Variants in NNMT observed in about 807,000 individuals in gnomAD.
NNMT encodes nicotinamide N-methyltransferase.
Under a neutral mutation model 11.7 loss-of-function variants are expected in NNMT, and 10 were observed. The ratio of observed to expected loss-of-function variants is 0.85; its 90% CI spans 0.53 to 1.45. NNMT has a LOEUF of 1.45. Among genes scored for constraint, NNMT ranks in the 40% most tolerant of loss-of-function variants. The pLI is 0.00. For missense variants in NNMT, 381 were observed against 319.4 expected (o/e 1.19, Z -1.47); for synonymous variants, 143 against 133.8 (o/e 1.07, Z -0.48).
chr11:114,272,184 G>A (rs1477961457), intron 2 of NNMT, among the ~76,000 whole-genome samples: 1 of 152,088 alleles, frequency 6.6e-6, no homozygotes, highest in African/African-American at 2.4e-5. Context: ...GACTCTTCAG[G>A]AACCCACAGC....
At chr11:114,288,100 T>C (rs1279414914) in intron 2 of NNMT, among the ~76,000 whole-genome samples, 1 of 152,206 alleles carries the variant, frequency 6.6e-6, no homozygotes, top group Non-Finnish European at 1.5e-5. Context: ...TGCTAAACTG[T>C]TATATTGTAA....
At chr11:114,301,857 A>C (rs1465300357) in intron 2 of NNMT, among the ~76,000 whole-genome samples, 1 of 151,846 alleles carries the variant, frequency 6.6e-6, no homozygotes, top group Non-Finnish European at 1.5e-5. Context: ...ATTTTTAAAA[A>C]ATGACAGCTT....
At chr11:114,304,713 A>G (rs1945472832) in intron 2 of NNMT, among the ~76,000 whole-genome samples, 1 of 152,142 alleles carries the variant, frequency 6.6e-6, no homozygotes, top group Admixed American at 6.5e-5. Context: ...ATAGTGGTGC[A>G]CACCCGTATT....
chr11:114,265,869 T>C (rs1565718202), intron 2 of NNMT, among the ~76,000 whole-genome samples: 1 of 152,182 alleles, frequency 6.6e-6, no homozygotes, highest in African/African-American at 2.4e-5. Context: ...CACCGCCAAG[T>C]CTCCTTGTCA....
chr11:114,313,501 A>T lies in NNMT; in HGVS notation c.*1024A>T, dbSNP rs370828969. Among the ~76,000 whole-genome samples the T allele has an allele frequency of 2.0e-4, 30 of 152,214 alleles. No individual in the cohort carries two copies. In the Middle Eastern group the frequency reaches 0.01, roughly 52 times the overall value. ...AAAAGTAAAATAATAAATAAATAAT[A>T]AATAAAATAAAATAAAGTGAATTGT... On this transcript the variant is annotated 3_prime_UTR_variant, in exon 3 of 3. Coordinates refer to ENST00000299964, the MANE Select transcript of NNMT (RefSeq NM_006169.3).
At chr11:114,304,338 T>G (rs148314039) in intron 2 of NNMT, among the ~76,000 whole-genome samples, 123 of 152,324 alleles carry the variant, frequency 8.1e-4, no homozygotes, top group Non-Finnish European at 1.6e-3. Context: ...TCTAGCAGGA[T>G]AGTAAAAGCA....
In NNMT at chr11:114,296,793, CGTT is replaced by C. The variant is rs974039568; in HGVS notation, c.154+88_154+90del. 5.8e-6 allele frequency: 8 copies of C among 1,383,344 alleles called. No individual in the cohort carries two copies. The African/African-American group carries it at 8.6e-5, about 15-fold the overall frequency. 85.7% of individuals were successfully genotyped at this position (1,383,344 alleles called of 1,614,324 possible). A position where few individuals can be genotyped will look rare whatever the true frequency, so the allele number is the denominator to read the frequency against. ...GGGCACGACTGGGTTTTGTGTCTCT[CGTT>C]GTTGCTTCACAGCCCTTTTGGCATC... On this transcript the variant is annotated intron_variant, in intron 1 of 2. Transcript: ENST00000299964.
At chr11:114,297,874 G>A (rs1945397362) in intron 1 of NNMT, 77 bp from the exon 2 acceptor site, 1 of 1,212,528 alleles carries the variant, frequency 8.2e-7, no homozygotes. Flanking sequence ...CAGTCCCAGG[G>A]AAGACAATGT....
chr11:114,280,156 T>TGGGAA (rs1945248963), intron 2 of NNMT, among the ~76,000 whole-genome samples: 1 of 152,076 alleles, frequency 6.6e-6, no homozygotes, highest in Admixed American at 6.6e-5. Flanking sequence ...TCATTCTAGT[T>TGGGAA]GGGAAGGGAA....
At chr11:114,285,972 T>C (rs549620653) in intron 2 of NNMT, among the ~76,000 whole-genome samples, 2 of 152,344 alleles carry the variant, frequency 1.3e-5, no homozygotes, top group South Asian at 4.1e-4. Context: ...TGATGTCATC[T>C]GAGGCACAGA....
chr11:114,273,377 C>T (rs1945186896), intron 2 of NNMT, among the ~76,000 whole-genome samples: 1 of 152,070 alleles, frequency 6.6e-6, no homozygotes, highest in East Asian at 1.9e-4. Flanking sequence ...TTTGGAAGCC[C>T]CTTGCCAGAG....
upstream of NNMT, among the ~76,000 whole-genome samples, chr11:114,295,419 C>CTTTTT (rs35621813): frequency 8.4e-4 from 71 of 85,012 alleles, 1 homozygote; most frequent in East Asian, 2.0e-3. Context: ...TTAAAGAATT[C>CTTTTT]TTTTTTTTTT....
At chr11:114,259,603 G>C (rs1011982095) in intron 1 of NNMT, among the ~76,000 whole-genome samples, 2 of 152,152 alleles carry the variant, frequency 1.3e-5, no homozygotes, top group Non-Finnish European at 2.9e-5. Flanking sequence ...TTCAGGCCCA[G>C]CCCCGCCGCC....
At chr11:114,278,125 G>T (rs1945228530) in intron 2 of NNMT, among the ~76,000 whole-genome samples, 2 of 152,216 alleles carry the variant, frequency 1.3e-5, no homozygotes, top group African/African-American at 2.4e-5. Context: ...TCTGCAGGCT[G>T]TACAAGCATG....
intron 2 of NNMT, among the ~76,000 whole-genome samples, chr11:114,290,104 C>T (rs1478515009): frequency 6.6e-6 from 1 of 152,190 alleles, no homozygotes; most frequent in Non-Finnish European, 1.5e-5. Context: ...CCTCCTAATA[C>T]TGCTATGTTG....
intron 2 of NNMT, among the ~76,000 whole-genome samples, chr11:114,288,441 CTTTTTTTT>C (rs71063558): frequency 6.9e-6 from 1 of 144,328 alleles, no homozygotes; most frequent in Non-Finnish European, 1.5e-5. Flanking sequence ...TAAGCTTTTT[CTTTTTTTT>C]TTTTCTGCAT....
At chr11:114,301,482 A>T (rs1945438856) in intron 2 of NNMT, among the ~76,000 whole-genome samples, 1 of 152,246 alleles carries the variant, frequency 6.6e-6, no homozygotes, top group Admixed American at 6.5e-5. Flanking sequence ...CATGGAGGAA[A>T]TGTAAATACA....
At chr11:114,266,005 A>T (rs1000039911) in intron 2 of NNMT, among the ~76,000 whole-genome samples, 2 of 152,092 alleles carry the variant, frequency 1.3e-5, no homozygotes, top group African/African-American at 4.8e-5. Flanking sequence ...TGAGCCTTTA[A>T]TGCTTGAAGC....
intron 2 of NNMT, among the ~76,000 whole-genome samples, chr11:114,272,674 G>T (rs1377578370): frequency 1.3e-5 from 2 of 152,200 alleles, no homozygotes; most frequent in Non-Finnish European, 2.9e-5. Context: ...CACCTGCAGG[G>T]TGGCCTTGAC....
Sources: allele counts gnomAD v4.1 joint callset (sites outside exome capture counted in the v4.1 genomes callset), GRCh38; gene constraint gnomAD v4.1.1; transcripts MANE v1.5; gene names NCBI Gene and HGNC (gene_info 2026-07-23, HGNC 2026-07-21).